The following CIDEA variants were observed in gnomAD, a reference collection of about 807,000 sequenced individuals.
CIDEA encodes the protein cell death inducing DFFA like effector a, also known as lipid transferase CIDEA.
Under a neutral mutation model 18.2 loss-of-function variants are expected in CIDEA, and 10 were observed. That is an observed-to-expected ratio of 0.55 (90% CI 0.34 to 0.93). CIDEA has a LOEUF of 0.93. Ranked by LOEUF, CIDEA falls within the 40% of genes least tolerant of loss-of-function variation. The probability of loss-of-function intolerance (pLI) is 0.02; values close to 1 mark genes in which losing one functional copy is unlikely to be tolerated. For synonymous variants in CIDEA, 128 were observed against 124.8 expected, an observed-to-expected ratio of 1.03 and a Z score of -0.17; for missense variants, 309 against 293.1, an observed-to-expected ratio of 1.05 and a Z score of -0.40.
chr18:12,275,318 G>A (rs1356589086), intron 4 of CIDEA, among the ~76,000 whole-genome samples: 1 of 152,168 alleles, frequency 6.6e-6, no homozygotes, highest in Non-Finnish European at 1.5e-5. Context: ...ACTCCAGACT[G>A]GGTGACAGAG....
chr18:12,264,592 C>T (rs1194797940), intron 3 of CIDEA, 139 bp downstream of exon 3: 20 of 669,676 alleles, frequency 3.0e-5, no homozygotes, highest in East Asian at 3.2e-5. Flanking sequence ...CTCGCTCTGT[C>T]ACCCAGGCTG....
At chr18:12,270,894 C>CTTT (rs771335202) in intron 3 of CIDEA, among the ~76,000 whole-genome samples, 4,149 of 59,818 alleles carry the variant, frequency 0.069, 201 homozygotes, top group Non-Finnish European at 0.087. Flanking sequence ...TTTTTCTTTT[C>CTTT]TTTTTTTTTT....
chr18:12,271,767 C>T (rs1215015254), intron 3 of CIDEA, among the ~76,000 whole-genome samples: 3 of 152,044 alleles, frequency 2.0e-5, no homozygotes, highest in Non-Finnish European at 2.9e-5. Context: ...CACCTGTAGG[C>T]CTTTCTGGGC....
intron 1 of CIDEA, chr18:12,254,849 A>T: frequency 1.5e-6 from 2 of 1,335,732 alleles, no homozygotes; most frequent in Non-Finnish European, 2.0e-6. Context: ...GGGGTCCTGG[A>T]AATCACAACG....
In CIDEA at chr18:12,268,886, C is replaced by T. The variant is rs1230654478; in HGVS notation, c.330+4433C>T. On this transcript the variant is annotated intron_variant, in intron 3 of 4. Transcript: ENST00000320477. ...TGTCGCCCAGGCTGGAGTGCAGTGGCGTGATCTCGGCTCACTGCAACCTCC... is the reference window on the plus strand; with the variant it reads ...TGTCGCCCAGGCTGGAGTGCAGTGGTGTGATCTCGGCTCACTGCAACCTCC... Among the ~76,000 whole-genome samples, 5 of 150,782 alleles carry T rather than the reference C, an allele frequency of 3.3e-5. No individual in the cohort carries two copies. In the South Asian group the frequency reaches 6.3e-4, roughly 19 times the overall value.
intron 1 of CIDEA, among the ~76,000 whole-genome samples, chr18:12,261,903 G>A (rs2144064923): frequency 6.6e-6 from 1 of 151,212 alleles, no homozygotes; most frequent in Non-Finnish European, 1.5e-5. Context: ...TTCTTAAATT[G>A]CTATCAAAAG....
chr18:12,272,477 T>TGGA (rs1432117628), intron 3 of CIDEA, among the ~76,000 whole-genome samples: 2 of 151,840 alleles, frequency 1.3e-5, no homozygotes, highest in East Asian at 3.9e-4. Flanking sequence ...CCTCCCAAAA[T>TGGA]GCTGGGATTA....
At chr18:12,256,118 G>GT in intron 1 of CIDEA, among the ~76,000 whole-genome samples, 1 of 152,300 alleles carries the variant, frequency 6.6e-6, no homozygotes, top group Admixed American at 6.5e-5. Flanking sequence ...AAATCTACCT[G>GT]TTACCAAACT....
intron 1 of CIDEA, among the ~76,000 whole-genome samples, chr18:12,261,876 C>A (rs1284616834): frequency 6.6e-6 from 1 of 151,834 alleles, no homozygotes; most frequent in Non-Finnish European, 1.5e-5. Flanking sequence ...AGCCACCATG[C>A]CCAGCAGGTT....
chr18:12,276,331 C>A (rs1905332622), intron 4 of CIDEA, among the ~76,000 whole-genome samples: 1 of 151,230 alleles, frequency 6.6e-6, no homozygotes, highest in Admixed American at 6.6e-5. Context: ...CTCACACTGT[C>A]CCCCAGGCTG....
At chr18:12,254,548 C>T (rs1241814216) in intron 1 of CIDEA, 127 bp downstream of exon 1, 3 of 1,532,856 alleles carry the variant, frequency 2.0e-6, no homozygotes, top group African/African-American at 1.4e-5. Flanking sequence ...CCCGCATTCT[C>T]TTGCGCTCCG....
At chr18:12,260,801 T>C (rs1338187409) in intron 1 of CIDEA, among the ~76,000 whole-genome samples, 1 of 152,356 alleles carries the variant, frequency 6.6e-6, no homozygotes, top group East Asian at 1.9e-4. Flanking sequence ...AGTGATGTGC[T>C]CACTTTGTGT....
chr18:12,264,459 C>T lies in CIDEA; in HGVS notation c.330+6C>T. 1 of 1,610,210 alleles carries T rather than the reference C, an allele frequency of 6.2e-7. No individual in the cohort carries two copies. Among genetic ancestry groups the T allele is most frequent in the Non-Finnish European group, 8.5e-7 (1 of 1,178,140 alleles). On this transcript the variant is annotated splice_donor_region_variant and intron_variant, in intron 3 of 4. Coordinates refer to ENST00000320477, the MANE Select transcript of CIDEA (RefSeq NM_001279.4). ...AAGGACAGAAGTGGATGCCGGTAAG[C>T]AAAAACACTGTCACCCAAACAGCTA...
chr18:12,271,843 G>A (rs969651394), intron 3 of CIDEA, among the ~76,000 whole-genome samples: 1 of 151,866 alleles, frequency 6.6e-6, no homozygotes, highest in African/African-American at 2.4e-5. Context: ...CTCGCTCCCC[G>A]GTCCCAGCGC....
At chr18:12,254,936 C>T in intron 1 of CIDEA, 2 of 1,233,914 alleles carry the variant, frequency 1.6e-6, no homozygotes, top group Non-Finnish European at 2.1e-6. Flanking sequence ...GAGGCCCCAA[C>T]CGTCCGGCGG....
Position 12,277,153 on chromosome 18 carries a change from C to T in CIDEA, c.543C>T (p.Ala181=). The change falls in exon 5 of 5, where the codon GCC becomes GCT. Residue 181 remains alanine (A), a synonymous_variant. Transcript: ENST00000320477. ...RSLLRFLSYS[A]QVTGQFLIYL... ...TGCTGCGGTTCCTGTCCTACTCCGCCCAGGTGACGGGACAGTTTCTCATCT... is the reference window on the plus strand; with the variant it reads ...TGCTGCGGTTCCTGTCCTACTCCGCTCAGGTGACGGGACAGTTTCTCATCT... 1 of 1,614,190 alleles carries T rather than the reference C, an allele frequency of 6.2e-7. No individual in the cohort carries two copies. Among genetic ancestry groups the T allele is most frequent in the Non-Finnish European group, 8.5e-7 (1 of 1,180,042 alleles).
chr18:12,254,699 G>T (rs926064644), intron 1 of CIDEA: 1 of 1,499,218 alleles, frequency 6.7e-7, no homozygotes, highest in Non-Finnish European at 9.0e-7. Flanking sequence ...TGCGAGGTGC[G>T]CGGGCGTCTG....
intron 3 of CIDEA, among the ~76,000 whole-genome samples, chr18:12,272,149 T>TGTGGGG (rs1555662634): frequency 1.1e-3 from 8 of 7,484 alleles, no homozygotes; most frequent in African/African-American, 3.9e-3. Flanking sequence ...AGTGTGTGTG[T>TGTGGGG]GGGGGGGGGG....
intron 1 of CIDEA, among the ~76,000 whole-genome samples, chr18:12,261,457 GTAACT>G (rs1912189391): frequency 3.3e-5 from 5 of 152,320 alleles, no homozygotes; most frequent in Admixed American, 3.3e-4. Flanking sequence ...CAGCAGCAGG[GTAACT>G]GTGTCTCCCC....
Sources: gnomAD v4.1 joint callset for allele counts (sites outside exome capture counted in the v4.1 genomes callset) on GRCh38, gnomAD v4.1.1 for gene constraint, MANE v1.5 for transcripts, NCBI Gene and HGNC (gene_info 2026-07-23, HGNC 2026-07-21) for gene names.